The following MSRA variants were observed in gnomAD, a reference collection of about 807,000 sequenced individuals.
The protein encoded by MSRA is mitochondrial peptide methionine sulfoxide reductase.
Under a neutral mutation model 31.3 loss-of-function variants are expected in MSRA, and 54 were observed. The observed-to-expected ratio is 1.73, with a 90% CI of 1.39 to 2.17. The LOEUF is 2.17. Among genes scored for constraint, MSRA ranks in the 30% most tolerant of loss-of-function variants. The pLI is 0.00. For synonymous variants in MSRA, 169 were observed against 116.5 expected (o/e 1.45, Z -2.90); for missense variants, 507 against 300.9 (o/e 1.69, Z -5.07).
At chr8:10,249,385 G>A (rs1048426949) in intron 3 of MSRA, among the ~76,000 whole-genome samples, 1 of 152,074 alleles carries the variant, frequency 6.6e-6, no homozygotes, top group African/African-American at 2.4e-5. Flanking sequence ...ACAGAGTTTT[G>A]GTCGGACCTC....
chr8:10,241,502 T>C (rs1448665019), intron 2 of MSRA, among the ~76,000 whole-genome samples: 2 of 152,224 alleles, frequency 1.3e-5, no homozygotes, highest in Non-Finnish European at 2.9e-5. Context: ...GAAGACACTA[T>C]GTAAATGGAT....
chr8:10,124,642 A>T (rs1801371233), intron 1 of MSRA, among the ~76,000 whole-genome samples: 1 of 152,302 alleles, frequency 6.6e-6, no homozygotes, highest in Admixed American at 6.5e-5. Flanking sequence ...AGCTAAAATT[A>T]TTTTCATCAT....
chr8:10,391,906 T>C (rs1563427226), intron 5 of MSRA, among the ~76,000 whole-genome samples: 1 of 152,226 alleles, frequency 6.6e-6, no homozygotes, highest in East Asian at 1.9e-4. Flanking sequence ...AGTGAACATT[T>C]CCTGACCTAT....
chr8:10,423,654 G>C (rs975910336), intron 5 of MSRA, among the ~76,000 whole-genome samples: 16 of 152,176 alleles, frequency 1.1e-4, no homozygotes, highest in Non-Finnish European at 2.2e-4. Context: ...ATGACAGAGA[G>C]GCATTCTTCT....
chr8:10,124,861 T>C (rs1230665680), intron 1 of MSRA, among the ~76,000 whole-genome samples: 4 of 152,226 alleles, frequency 2.6e-5, no homozygotes. Context: ...ACATCAGTTC[T>C]ACCTTAAAAA....
chr8:10,187,768 C>G (rs1002193730), intron 1 of MSRA, among the ~76,000 whole-genome samples: 6 of 152,114 alleles, frequency 3.9e-5, no homozygotes, highest in African/African-American at 1.4e-4. Context: ...ATGTTACCTG[C>G]CAGCAAGGAA....
intron 1 of MSRA, among the ~76,000 whole-genome samples, chr8:10,106,348 A>G (rs1799881626): frequency 6.6e-6 from 1 of 152,166 alleles, no homozygotes; most frequent in Non-Finnish European, 1.5e-5. Context: ...CTCATTGGCT[A>G]GCTTTGATAT....
At chr8:10,389,719 G>T (rs1307078780) in intron 5 of MSRA, among the ~76,000 whole-genome samples, 1 of 132,238 alleles carries the variant, frequency 7.6e-6, no homozygotes, top group African/African-American at 2.8e-5. Context: ...CCCTGGTGCT[G>T]TACTGTTTTT....
chr8:10,065,133 G>C (rs753839379), intron 1 of MSRA, among the ~76,000 whole-genome samples: 1 of 152,036 alleles, frequency 6.6e-6, no homozygotes, highest in Non-Finnish European at 1.5e-5. Context: ...CTGGTCCCTG[G>C]GGTGTCTGGC....
intron 5 of MSRA, among the ~76,000 whole-genome samples, chr8:10,374,016 G>A (rs961404811): frequency 5.3e-5 from 8 of 152,144 alleles, no homozygotes; most frequent in East Asian, 1.9e-4. Context: ...CCAGCTCACC[G>A]CACACCCAGT....
At chr8:10,166,033 G>T (rs1198130307) in intron 1 of MSRA, among the ~76,000 whole-genome samples, 1 of 152,136 alleles carries the variant, frequency 6.6e-6, no homozygotes, top group East Asian at 1.9e-4. Context: ...AGGTACCCAA[G>T]ACCGTGTGGG....
At chr8:10,097,061 C>G (rs936513503) in intron 1 of MSRA, among the ~76,000 whole-genome samples, 10 of 152,044 alleles carry the variant, frequency 6.6e-5, no homozygotes, top group African/African-American at 2.2e-4. Context: ...CAATAAAAAC[C>G]TGTCTATAGC....
intron 1 of MSRA, among the ~76,000 whole-genome samples, chr8:10,164,511 G>C (rs17151222): frequency 0.12 from 17,971 of 152,052 alleles, 2,510 homozygotes; most frequent in African/African-American, 0.34. Context: ...TAGGACTCCT[G>C]AATAGGCCGA....
At chr8:10,400,817 A>C (rs1807414641) in intron 5 of MSRA, among the ~76,000 whole-genome samples, 1 of 152,208 alleles carries the variant, frequency 6.6e-6, no homozygotes, top group Non-Finnish European at 1.5e-5. Flanking sequence ...TTTGTGAGTG[A>C]ATGTAACTAA....
chr8:10,308,609 G>T (rs1169323367), intron 4 of MSRA, among the ~76,000 whole-genome samples: 1 of 152,232 alleles, frequency 6.6e-6, no homozygotes, highest in Non-Finnish European at 1.5e-5. Context: ...GGCCAGTGTG[G>T]CCTGGGATTA....
chr8:10,069,149 T>C (rs762384756), intron 1 of MSRA, among the ~76,000 whole-genome samples: 1 of 152,238 alleles, frequency 6.6e-6, no homozygotes, highest in Non-Finnish European at 1.5e-5. Context: ...CTGTAATTTC[T>C]TATTAGTTCC....
chr8:10,118,878 G>A (rs906808083), intron 1 of MSRA, among the ~76,000 whole-genome samples: 1 of 152,196 alleles, frequency 6.6e-6, no homozygotes, highest in African/African-American at 2.4e-5. Flanking sequence ...TCTTTGGGAA[G>A]AGGACATTGG....
At chr8:10,069,134 C>T (rs1306032968) in intron 1 of MSRA, among the ~76,000 whole-genome samples, 2 of 152,064 alleles carry the variant, frequency 1.3e-5, no homozygotes, top group Non-Finnish European at 2.9e-5. Flanking sequence ...TAACCTGCAC[C>T]CTTGCTGTAA....
At position 10,245,091 on chromosome 8, in the gene MSRA, T is replaced by A. The variant is rs1232481200; in HGVS notation, c.212-13T>A. 6.2e-7 allele frequency: 1 copy of A among 1,609,894 alleles called. No homozygotes were observed. Among genetic ancestry groups the A allele is most frequent in the Admixed American group, 1.7e-5 (1 of 59,332 alleles). On this transcript the variant is annotated splice_polypyrimidine_tract_variant and intron_variant, in intron 2 of 5. Transcript: ENST00000317173. ...TAATCAGTATCCTTTTTTTTTCTTTTTTCTTTTTTAAGGAATGGGATGTTT... is the reference window on the plus strand; with the variant it reads ...TAATCAGTATCCTTTTTTTTTCTTTATTCTTTTTTAAGGAATGGGATGTTT...
Sources: gnomAD v4.1 joint callset for allele counts (sites outside exome capture counted in the v4.1 genomes callset) on GRCh38, gnomAD v4.1.1 for gene constraint, MANE v1.5 for transcripts, NCBI Gene and HGNC (gene_info 2026-07-23, HGNC 2026-07-21) for gene names.